The following CAMK2D variants were observed in gnomAD, a reference collection of about 807,000 sequenced individuals.
CAMK2D encodes calcium/calmodulin-dependent protein kinase type II subunit delta.
A neutral mutation model predicts 84.0 loss-of-function variants in CAMK2D; 37 were observed. The observed-to-expected ratio is 0.44, with a 90% CI of 0.34 to 0.58. CAMK2D has a LOEUF of 0.58. Ranked by LOEUF, CAMK2D falls within the 20% of genes least tolerant of loss-of-function variation. CAMK2D has a pLI of 0.02. For missense variants in CAMK2D, 448 were observed against 652.5 expected, an observed-to-expected ratio of 0.69 and a Z score of 3.41; for synonymous variants, 202 against 212.5, an observed-to-expected ratio of 0.95 and a Z score of 0.43.
intron 2 of CAMK2D, among the ~76,000 whole-genome samples, chr4:113,749,590 G>C (rs182529445): frequency 6.6e-6 from 1 of 152,216 alleles, no homozygotes; most frequent in Admixed American, 6.5e-5. Context: ...CTGTAGAATG[G>C]ATCAAAATTT....
At chr4:113,755,811 G>C (rs992347101) in intron 2 of CAMK2D, among the ~76,000 whole-genome samples, 5 of 151,938 alleles carry the variant, frequency 3.3e-5, no homozygotes, top group African/African-American at 1.2e-4. Context: ...TAATCTAACT[G>C]TGCTTGGGAT....
intron 6 of CAMK2D, among the ~76,000 whole-genome samples, chr4:113,542,364 T>G (rs2098535731): frequency 6.6e-6 from 1 of 152,244 alleles, no homozygotes; most frequent in Non-Finnish European, 1.5e-5. Context: ...TACTTGTGAT[T>G]TTATAATTAT....
intron 6 of CAMK2D, among the ~76,000 whole-genome samples, chr4:113,539,990 T>G (rs985720860): frequency 1.3e-5 from 2 of 152,150 alleles, no homozygotes; most frequent in Non-Finnish European, 1.5e-5. Context: ...AAAGGGCAGC[T>G]CCAATGAAAC....
intron 4 of CAMK2D, among the ~76,000 whole-genome samples, chr4:113,552,969 T>C (rs2098639699): frequency 6.6e-6 from 1 of 152,170 alleles, no homozygotes; most frequent in Non-Finnish European, 1.5e-5. Flanking sequence ...TATGAATTTC[T>C]TGGTTATTAG....
chr4:113,605,594 C>T (rs1055749990), intron 4 of CAMK2D, among the ~76,000 whole-genome samples: 9 of 152,130 alleles, frequency 5.9e-5, no homozygotes, highest in Non-Finnish European at 2.9e-5. Context: ...CAATACCATA[C>T]CTTGATCTGC....
chr4:113,460,576 A>G (rs550935324), intron 17 of CAMK2D, among the ~76,000 whole-genome samples: 28 of 152,020 alleles, frequency 1.8e-4, no homozygotes, highest in African/African-American at 5.8e-4. Context: ...GAGGTTTACT[A>G]TTTTTTAAAA....
At chr4:113,543,307 C>G (rs978933011) in intron 6 of CAMK2D, among the ~76,000 whole-genome samples, 81 of 152,108 alleles carry the variant, frequency 5.3e-4, no homozygotes, top group African/African-American at 1.9e-3. Context: ...TTTCTGAATG[C>G]AGTACTTGTC....
intron 16 of CAMK2D, among the ~76,000 whole-genome samples, chr4:113,468,719 C>T (rs2097508712): frequency 6.6e-6 from 1 of 152,088 alleles, no homozygotes; most frequent in Non-Finnish European, 1.5e-5. Context: ...TCTGGCCTTC[C>T]CTCTTCCTGA....
In CAMK2D at chr4:113,559,091, T is replaced by TA. The variant is rs144485870; in HGVS notation, c.276-6996dup. Among the ~76,000 whole-genome samples the TA allele has an allele frequency of 8.5e-4, 128 of 150,672 alleles. 1 individual carries two copies. The highest frequency in any genetic ancestry group is 2.3e-3 in the South Asian group (11 of 4,770). On this transcript the variant is annotated intron_variant, in intron 4 of 20. Transcript: ENST00000511664. ...CTGACCTATATACTCTACTGTGCAT[T>TA]AAAAAAAAACAAATGAAAGAAATCG...
At chr4:113,740,670 T>C (rs2099590893) in intron 2 of CAMK2D, among the ~76,000 whole-genome samples, 1 of 152,154 alleles carries the variant, frequency 6.6e-6, no homozygotes, top group African/African-American at 2.4e-5. Flanking sequence ...AGATGACTAC[T>C]AGATCTAATG....
At chr4:113,651,378 G>A (rs1445321045) in intron 3 of CAMK2D, among the ~76,000 whole-genome samples, 1 of 152,042 alleles carries the variant, frequency 6.6e-6, no homozygotes, top group Non-Finnish European at 1.5e-5. Flanking sequence ...AAATTCCTGT[G>A]TTCAAATGTG....
At position 113,682,710 on chromosome 4, in the gene CAMK2D, TA is replaced by T. The variant is rs1157196188; in HGVS notation, c.161-20939del. ...CCTATAATTTGATATTTATCTTATT[TA>T]AAATTAGGAATTGTATCATCTTAGC... On this transcript the variant is annotated intron_variant, in intron 2 of 20. Coordinates refer to ENST00000511664, the MANE Select transcript of CAMK2D (RefSeq NM_001321571.2). Among the ~76,000 whole-genome samples, 3 of 152,318 alleles carry T rather than the reference TA, an allele frequency of 2.0e-5. No individual in the cohort carries two copies. The East Asian group carries it at 5.8e-4, about 29-fold the overall frequency.
intron 16 of CAMK2D, among the ~76,000 whole-genome samples, chr4:113,481,935 G>T (rs1167293575): frequency 1.3e-5 from 2 of 152,266 alleles, no homozygotes; most frequent in Non-Finnish European, 2.9e-5. Flanking sequence ...GCAAGGCCCT[G>T]TGGCAGGAAC....
At chr4:113,502,846 C>CTATT (rs2098074077) in intron 15 of CAMK2D, 90 bp downstream of exon 15, 1 of 931,304 alleles carries the variant, frequency 1.1e-6, no homozygotes, top group Non-Finnish European at 1.8e-6. Flanking sequence ...ATTTTCTTTC[C>CTATT]TATTTTTAGA....
chr4:113,506,937 A>AC (rs1013890100), intron 13 of CAMK2D, among the ~76,000 whole-genome samples: 1 of 151,040 alleles, frequency 6.6e-6, no homozygotes, highest in Admixed American at 6.6e-5. Context: ...ACACAGATAC[A>AC]CAGCATACAC....
chr4:113,631,402 T>A (rs571276443), intron 3 of CAMK2D, among the ~76,000 whole-genome samples: 1 of 152,206 alleles, frequency 6.6e-6, no homozygotes, highest in African/African-American at 2.4e-5. Flanking sequence ...GGAATTATTA[T>A]GTTGAAGGTG....
At chr4:113,592,853 T>TTTTATTTATTTA (rs533000240) in intron 4 of CAMK2D, among the ~76,000 whole-genome samples, 5,914 of 152,048 alleles carry the variant, frequency 0.039, 336 homozygotes, top group East Asian at 0.18. Flanking sequence ...AAATTTGACA[T>TTTTATTTATTTA]TTTATTTATT....
chr4:113,451,827 G>A lies in CAMK2D; in HGVS notation c.*2718C>T, dbSNP rs2097259357. 6.6e-6 allele frequency: 1 copy of A among 152,152 alleles called. No homozygotes were observed. Among genetic ancestry groups the A allele is most frequent in the Admixed American group, 6.6e-5 (1 of 15,254 alleles). The allele number at this position is 152,152 out of a possible 1,614,324, so 9.4% of individuals were successfully genotyped here. On this transcript the variant is annotated 3_prime_UTR_variant, in exon 21 of 21. Coordinates refer to ENST00000511664, the MANE Select transcript of CAMK2D (RefSeq NM_001321571.2). ...CAATCTATTATGTAGGTTTTGAGAG[G>A]GAAGGCAAGCCCAGAATAGGGCCTA...
At chr4:113,478,563 G>A (rs1233929150) in intron 16 of CAMK2D, among the ~76,000 whole-genome samples, 1 of 151,990 alleles carries the variant, frequency 6.6e-6, no homozygotes, top group Non-Finnish European at 1.5e-5. Context: ...TCCTACATTG[G>A]TCAAAATACC....
Sources: allele counts gnomAD v4.1 joint callset (sites outside exome capture counted in the v4.1 genomes callset), GRCh38; gene constraint gnomAD v4.1.1; transcripts MANE v1.5; gene names NCBI Gene and HGNC (gene_info 2026-07-23, HGNC 2026-07-21).